ZNF334: variants seen among roughly 807,000 people sequenced by gnomAD.
ZNF334 encodes zinc finger protein 334.
Under a neutral mutation model 12.4 loss-of-function variants are expected in ZNF334, and 14 were observed. The observed-to-expected ratio is 1.13, with a 90% confidence interval of 0.74 to 1.76. The LOEUF (loss-of-function observed/expected upper bound fraction) is 1.76, where lower values mean the gene tolerates loss of function less well. ZNF334 is among the 40% of genes most tolerant of loss of function. The pLI is 0.00. For missense variants in ZNF334, 797 were observed against 804.5 expected, an observed-to-expected ratio of 0.99 and a Z score of 0.11; for synonymous variants, 273 against 269.6, an observed-to-expected ratio of 1.01 and a Z score of -0.12.
At chr20:46,494,368 G>A in the ZNF334 span, among the ~76,000 whole-genome samples, 3 of 152,206 alleles carry the variant, frequency 2.0e-5, no homozygotes, top group African/African-American at 7.2e-5. Flanking sequence ...GAGCTCAAGT[G>A]TTGTATAATC....
At chr20:46,464,058 C>T in the ZNF334 span, 1 of 630,116 alleles carries the variant, frequency 1.6e-6, no homozygotes, top group Non-Finnish European at 3.1e-6. Context: ...GGTCATTGTT[C>T]TCTCTTTCCT....
At chr20:46,507,777 G>A (rs553622948) in intron 2 of ZNF334, among the ~76,000 whole-genome samples, 2 of 152,080 alleles carry the variant, frequency 1.3e-5, no homozygotes, top group Non-Finnish European at 2.9e-5. Flanking sequence ...GGCCTTTCCC[G>A]CTATCACCAC....
At chr20:46,490,920 A>G in the ZNF334 span, 3 of 152,354 alleles carry the variant, frequency 2.0e-5, no homozygotes, top group Non-Finnish European at 2.9e-5. Flanking sequence ...TACCGAACAC[A>G]TCGTACTTTT....
the ZNF334 span, among the ~76,000 whole-genome samples, chr20:46,465,519 A>G: frequency 6.6e-6 from 1 of 152,152 alleles, no homozygotes; most frequent in Admixed American, 6.5e-5. Context: ...GCAACATAAT[A>G]TAACCCCATC....
rs1315010462 is a variant in ZNF334 at position 46,501,332 on chromosome 20, T to C, written c.2007A>G (p.Ser669=). ...GGGATTTCTGATGTAAAAGAAAGTT[T>C]GATTTGTGGCGAAATGTTTTCTCAC... is the stretch of plus-strand genomic sequence containing the variant. ...NKCEKTFRHK[S]NFLLHQKSHK... The change falls in exon 5 of 5, where the codon TCA becomes TCG. Residue 669 remains serine, a synonymous_variant. Transcript: ENST00000692313. 1 of 1,611,832 alleles carries C rather than the reference T, an allele frequency of 6.2e-7. No individual in the cohort carries two copies. The highest frequency in any genetic ancestry group is 1.3e-5 in the African/African-American group (1 of 74,956).
Position 46,499,869 on chromosome 20 carries a change from G to C in ZNF334, c.*1427C>G, listed in dbSNP as rs1240274417. 1 of 152,106 alleles carries C rather than the reference G, an allele frequency of 6.6e-6. No individual in the cohort carries two copies. The highest frequency in any genetic ancestry group is 2.4e-5 in the African/African-American group (1 of 41,416). 9.4% of individuals were successfully genotyped at this position (152,106 alleles called of 1,614,324 possible). On this transcript the variant is annotated 3_prime_UTR_variant, in exon 5 of 5. Coordinates refer to ENST00000692313, the MANE Select transcript of ZNF334 (RefSeq NM_001353824.2). ...GAAGGACATAAAAACTGAATAAATA[G>C]ATAAATCATGTTCATATTGGGTTCT...
intron 1 of ZNF334, 49 bp from the exon 2 acceptor site, chr20:46,512,189 C>G: frequency 4.2e-6 from 6 of 1,427,350 alleles, no homozygotes; most frequent in Non-Finnish European, 5.9e-6. Context: ...TTGGCTCACA[C>G]AGCAGCTCTA....
chr20:46,468,441 AT>A, the ZNF334 span, among the ~76,000 whole-genome samples: 408 of 142,544 alleles, frequency 2.9e-3, no homozygotes, highest in Non-Finnish European at 2.7e-3. Flanking sequence ...TGACTGGCTA[AT>A]TTTTTTTTTT....
At chr20:46,504,589 A>T in intron 3 of ZNF334, 25 bp downstream of exon 3, 1 of 1,569,584 alleles carries the variant, frequency 6.4e-7, no homozygotes. Flanking sequence ...TGCTCTTGGG[A>T]GTTGTACAGG....
chr20:46,510,300 T>A (rs775236095), intron 2 of ZNF334, among the ~76,000 whole-genome samples: 1 of 152,038 alleles, frequency 6.6e-6, no homozygotes, highest in Non-Finnish European at 1.5e-5. Context: ...ACTAATATTA[T>A]GACAACCCAC....
At chr20:46,506,142 G>A (rs541754477) in intron 2 of ZNF334, 34 of 393,670 alleles carry the variant, frequency 8.6e-5, no homozygotes, top group African/African-American at 7.0e-4. Context: ...GAGTAAAGAA[G>A]TACAGATATC....
the ZNF334 span, chr20:46,464,177 C>G: frequency 9.5e-6 from 5 of 526,764 alleles, no homozygotes; most frequent in Admixed American, 6.0e-5. Context: ...AAACACATCC[C>G]CCAAGATGGG....
At chr20:46,497,436 G>A (rs937782063), downstream of ZNF334, among the ~76,000 whole-genome samples, 2 of 152,192 alleles carry the variant, frequency 1.3e-5, no homozygotes, top group Admixed American at 6.5e-5. Flanking sequence ...ATAATTCAGA[G>A]ACTGATATGT....
downstream of ZNF334, among the ~76,000 whole-genome samples, chr20:46,496,071 T>C (rs2061017778): frequency 6.6e-6 from 1 of 152,190 alleles, no homozygotes; most frequent in African/African-American, 2.4e-5. Flanking sequence ...AGTCTCAAAG[T>C]TGAGTAAGGT....
the ZNF334 span, among the ~76,000 whole-genome samples, chr20:46,465,953 A>C: frequency 2.8e-5 from 4 of 145,358 alleles, no homozygotes; most frequent in African/African-American, 7.5e-5. Context: ...AACTCCGTCT[A>C]AAAAAAAAAA....
chr20:46,494,600 G>A, the ZNF334 span, among the ~76,000 whole-genome samples: 7,310 of 152,230 alleles, frequency 0.048, 479 homozygotes, highest in African/African-American at 0.14. Context: ...AAAAATGGGA[G>A]TGGCTATTGG....
the ZNF334 span, among the ~76,000 whole-genome samples, chr20:46,479,623 C>A: frequency 6.6e-6 from 1 of 152,194 alleles, no homozygotes. Context: ...AAATACATTT[C>A]TCTGACACTT....
rs565837277 is a variant in ZNF334 at position 46,508,534 on chromosome 20, G to C, written c.21+3548C>G. Reference sequence around the variant, plus strand: ...ACAGTAGAAACACGGTTAAAAGCAAGAGTGTAAAATTTGGGGCATGTTCAG... The same window carrying C: ...ACAGTAGAAACACGGTTAAAAGCAACAGTGTAAAATTTGGGGCATGTTCAG... On this transcript the variant is annotated intron_variant, in intron 2 of 4. Transcript: ENST00000692313. Among the ~76,000 whole-genome samples, 4 of 152,356 alleles carry C rather than the reference G, an allele frequency of 2.6e-5. No homozygotes were observed. The South Asian group carries it at 8.3e-4, about 32-fold the overall frequency.
downstream of ZNF334, among the ~76,000 whole-genome samples, chr20:46,496,968 A>G (rs1002099824): frequency 5.9e-5 from 9 of 152,200 alleles, no homozygotes; most frequent in Non-Finnish European, 1.2e-4. Flanking sequence ...GAATTAAAGT[A>G]CCAGCATCAG....
Sources: allele counts gnomAD v4.1 joint callset (sites outside exome capture counted in the v4.1 genomes callset), GRCh38; gene constraint gnomAD v4.1.1; transcripts MANE v1.5; gene names NCBI Gene and HGNC (gene_info 2026-07-23, HGNC 2026-07-21).